Variants in SDC1 observed in about 807,000 individuals in gnomAD.
SDC1 encodes the protein syndecan 1, also known as syndecan-1.
In SDC1, 14 loss-of-function variants were observed where a neutral mutation model predicts 29.7. The observed-to-expected ratio is 0.47, with a 90% confidence interval of 0.31 to 0.74. SDC1 has a LOEUF of 0.74. SDC1 is among the 30% of genes least tolerant of loss of function. SDC1 has a pLI of 0.05. For missense variants in SDC1, 406 were observed against 400.3 expected, an observed-to-expected ratio of 1.01 and a Z score of -0.12; for synonymous variants, 204 against 175.5, an observed-to-expected ratio of 1.16 and a Z score of -1.29.
intron 1 of SDC1, among the ~76,000 whole-genome samples, chr2:20,208,345 T>C (rs1465852503): frequency 2.0e-5 from 3 of 152,232 alleles, no homozygotes; most frequent in Non-Finnish European, 4.4e-5. Flanking sequence ...TCTGCAATCT[T>C]GTTTACACAA....
rs1373272232 is a variant in SDC1 at position 20,204,048 on chromosome 2, A to G, written c.392T>C (p.Leu131Pro). The change falls in exon 3 of 5, where the codon CTC becomes CCC. Residue 131 changes from leucine to proline, a missense_variant. Transcript: ENST00000254351. The part of the protein sequence containing the change: ...ATPRPRETTQ[L>P]PTTHLASTTT... The stretch of plus-strand genomic sequence containing the variant: ...CGTTGAGGCCAGATGAGTGGTCGGG[A>G]GCTGTGTGGTCTCCCTGGGTCGGGG... 1 of 1,611,468 alleles carries G rather than the reference A, an allele frequency of 6.2e-7. No individual in the cohort carries two copies. The highest frequency in any genetic ancestry group is 1.3e-5 in the African/African-American group (1 of 74,552).
At chr2:20,207,415 A>G in intron 1 of SDC1, 1 of 984,880 alleles carries the variant, frequency 1.0e-6, no homozygotes, top group Non-Finnish European at 1.2e-6. Flanking sequence ...TGGCCCATCT[A>G]CAATAAACAG....
chr2:20,222,343 G>A (rs1677849306), intron 1 of SDC1, among the ~76,000 whole-genome samples: 1 of 152,178 alleles, frequency 6.6e-6, no homozygotes, highest in African/African-American at 2.4e-5. Context: ...GCAAATCCCA[G>A]CTGCCTGATT....
chr2:20,212,619 C>T (rs1173362972), intron 1 of SDC1, among the ~76,000 whole-genome samples: 1 of 152,192 alleles, frequency 6.6e-6, no homozygotes, highest in Non-Finnish European at 1.5e-5. Flanking sequence ...TTTCCGGTGA[C>T]AGGCACAGCA....
At chr2:20,205,851 C>A (rs1032047810) in intron 1 of SDC1, among the ~76,000 whole-genome samples, 3 of 152,216 alleles carry the variant, frequency 2.0e-5, no homozygotes, top group African/African-American at 7.2e-5. Flanking sequence ...CCAAAGATTG[C>A]CGACCCAGCC....
At position 20,224,525 on chromosome 2, in the gene SDC1, G is replaced by A. The variant is rs1677930019; in HGVS notation, c.66+277C>T. 6.6e-6 allele frequency among the ~76,000 whole-genome samples: 1 copy of A among 151,590 alleles called. No individual in the cohort carries two copies. The highest frequency in any genetic ancestry group is 2.4e-5 in the African/African-American group (1 of 41,320). The stretch of plus-strand genomic sequence containing the variant: ...ACCCCGGGCGCCGCTGTGGGCTGGC[G>A]GGCTCCGACAGATGTGGAGACGTTT... On this transcript the variant is annotated intron_variant, in intron 1 of 4. Coordinates refer to ENST00000254351, the MANE Select transcript of SDC1 (RefSeq NM_002997.5). This position sits in a 1 kb window ranked among gnomAD's most constrained non-coding sequence, Gnocchi z 4.9.
At chr2:20,204,852 G>A (rs1394991084) in intron 2 of SDC1, among the ~76,000 whole-genome samples, 1 of 152,150 alleles carries the variant, frequency 6.6e-6, no homozygotes, top group African/African-American at 2.4e-5. Flanking sequence ...CCAGCTCAGG[G>A]ACTTCTCTCC....
chr2:20,202,403 C>T lies in SDC1; in HGVS notation c.*363G>A. ...CCCAAGCCCCACCCGCAGGATCTTC[C>T]AGCCACATGAGGCCATTTAGGTCCA... On this transcript the variant is annotated 3_prime_UTR_variant, in exon 5 of 5. Transcript: ENST00000254351. The T allele has an allele frequency of 2.9e-6, 2 of 687,266 alleles. No homozygotes were observed. Among genetic ancestry groups the T allele is most frequent in the South Asian group, 1.6e-5 (1 of 61,054 alleles). 42.6% of individuals were successfully genotyped at this position (687,266 alleles called of 1,614,324 possible).
chr2:20,207,894 G>C, intron 1 of SDC1: 1 of 953,626 alleles, frequency 1.0e-6, no homozygotes, highest in Middle Eastern at 5.4e-4. Flanking sequence ...CCCACCGGGG[G>C]ATCACAGAGT....
At chr2:20,223,507 G>A (rs1677888284) in intron 1 of SDC1, 2 of 310,100 alleles carry the variant, frequency 6.4e-6, no homozygotes, top group Non-Finnish European at 1.3e-5. Flanking sequence ...CTTCCGGAAG[G>A]GGAAGCGCCC....
At chr2:20,216,486 C>T (rs1224184927) in intron 1 of SDC1, among the ~76,000 whole-genome samples, 2 of 152,224 alleles carry the variant, frequency 1.3e-5, no homozygotes, top group East Asian at 1.9e-4. Flanking sequence ...CCCACAACCT[C>T]GGGCCCTGCA....
intron 1 of SDC1, among the ~76,000 whole-genome samples, chr2:20,208,529 C>A (rs1169143550): frequency 6.6e-6 from 1 of 152,228 alleles, no homozygotes; most frequent in Non-Finnish European, 1.5e-5. Flanking sequence ...GAGATTTCAG[C>A]CCCCTGAGGA....
intron 1 of SDC1, among the ~76,000 whole-genome samples, chr2:20,212,145 C>G (rs546681396): frequency 6.6e-6 from 1 of 152,332 alleles, no homozygotes; most frequent in South Asian, 2.1e-4. Context: ...GACAGGGGTT[C>G]TGTCCCCCAA....
chr2:20,224,894 G>T lies in SDC1; in HGVS notation c.-27C>A. On this transcript the variant is annotated 5_prime_UTR_variant, in exon 1 of 5. Coordinates refer to ENST00000254351, the MANE Select transcript of SDC1 (RefSeq NM_002997.5). This position sits in a 1 kb window ranked among gnomAD's most constrained non-coding sequence, Gnocchi z 4.9. ...CTGCCCGGACCGGCGGCGGGAGAGCGGCAGGCTGCGCGGGTCGCGGCTGCG... is the reference window on the plus strand; with the variant it reads ...CTGCCCGGACCGGCGGCGGGAGAGCTGCAGGCTGCGCGGGTCGCGGCTGCG... 1 of 1,212,222 alleles carries T rather than the reference G, an allele frequency of 8.2e-7. No homozygotes were observed. The highest frequency in any genetic ancestry group is 4.1e-5 in the South Asian group (1 of 24,592). The allele number at this position is 1,212,222 out of a possible 1,614,324, so 75.1% of individuals were successfully genotyped here.
intron 1 of SDC1, chr2:20,207,464 C>G (rs975003838): frequency 1.1e-6 from 1 of 916,770 alleles, no homozygotes; most frequent in Non-Finnish European, 1.3e-6. Flanking sequence ...CGCCTGTAAT[C>G]CCAGCACTTT....
upstream of SDC1, chr2:20,225,159 T>A (rs1467217119): frequency 4.6e-6 from 1 of 219,648 alleles, no homozygotes; most frequent in Non-Finnish European, 8.7e-6. Flanking sequence ...CCGCCAGGTC[T>A]CCCGGCCAGC....
chr2:20,204,262 G>C lies in SDC1; in HGVS notation c.178C>G (p.Gln60Glu). The C allele has an allele frequency of 2.5e-6, 4 of 1,597,246 alleles. No individual in the cohort carries two copies. The highest frequency in any genetic ancestry group is 3.4e-6 in the Non-Finnish European group (4 of 1,178,988). The change falls in exon 3 of 5, where the codon CAG becomes GAG. Residue 60 changes from glutamine (Q) to glutamate (E), a missense_variant. Physicochemically the swap from Gln to Glu is conservative, Grantham distance 29 (BLOSUM62 2). Coordinates refer to ENST00000254351, the MANE Select transcript of SDC1 (RefSeq NM_002997.5). ...GTGTCCTTCCAAGTGGAGGGGGTCT[G>C]CTGTGACAAGGTGATATCTTGCAAA... ...GALQDITLSQ[Q>E]TPSTWKDTQL...
intron 1 of SDC1, chr2:20,223,382 T>A: frequency 1.0e-6 from 1 of 980,654 alleles, no homozygotes; most frequent in Non-Finnish European, 1.4e-6. Flanking sequence ...GATGCCACAT[T>A]AGCAGTGGAG....
chr2:20,224,826 C>T lies in SDC1; in HGVS notation c.42G>A (p.Ala14=), dbSNP rs1247877937. The part of the protein sequence containing the change: ...AALWLWLCAL[A]LSLQPALPQI... ...CCGGCAGGGCCGGCTGCAGGCTCAG[C>T]GCCAGCGCGCACAGCCAGAGCCAGA... The change falls in exon 1 of 5, where the codon GCG becomes GCA. Residue 14 remains alanine, a synonymous_variant. Coordinates refer to ENST00000254351, the MANE Select transcript of SDC1 (RefSeq NM_002997.5). The surrounding 1 kb of genome is among the most constrained non-coding windows in gnomAD (Gnocchi z 4.9). The T allele has an allele frequency of 7.7e-7, 1 of 1,290,514 alleles. No individual in the cohort carries two copies. Among genetic ancestry groups the T allele is most frequent in the African/African-American group, 1.5e-5 (1 of 64,604 alleles). The allele number at this position is 1,290,514 out of a possible 1,614,324, so 79.9% of individuals were successfully genotyped here.
Sources: gnomAD v4.1 joint callset for allele counts (sites outside exome capture counted in the v4.1 genomes callset) on GRCh38, gnomAD v4.1.1 for gene constraint, Gnocchi (gnomAD v3.1) non-coding constraint, MANE v1.5 for transcripts, NCBI Gene and HGNC (gene_info 2026-07-23, HGNC 2026-07-21) for gene names.